PAPPA: variants seen among roughly 807,000 people sequenced by gnomAD.
PAPPA encodes pappalysin-1.
In PAPPA, 60 loss-of-function variants were observed where a neutral mutation model predicts 164.0. That is an observed-to-expected ratio of 0.37 (90% confidence interval 0.30 to 0.45). The LOEUF (loss-of-function observed/expected upper bound fraction) is 0.45, where lower values mean the gene tolerates loss of function less well. Ranked by LOEUF, PAPPA falls within the 20% of genes least tolerant of loss-of-function variation. The pLI, the probability that PAPPA is intolerant of heterozygous loss-of-function variation, is 1.00. For synonymous variants in PAPPA, 875 were observed against 814.1 expected (o/e 1.07, Z -1.27); for missense variants, 1,782 against 2,087.3 (o/e 0.85, Z 2.85).
intron 2 of PAPPA, among the ~76,000 whole-genome samples, 164 bp from the exon 3 acceptor site, chr9:116,207,292 A>G (rs1442643008): frequency 6.6e-6 from 1 of 152,196 alleles, no homozygotes; most frequent in Non-Finnish European, 1.5e-5. Flanking sequence ...GATCTGTAAA[A>G]TGGAATCATC....
intron 2 of PAPPA, among the ~76,000 whole-genome samples, chr9:116,203,891 G>T (rs921864501): frequency 6.6e-6 from 1 of 152,162 alleles, no homozygotes; most frequent in African/African-American, 2.4e-5. Flanking sequence ...TAAGGGTTGG[G>T]CATAACTGGG....
rs140393917 is a variant in PAPPA at position 116,247,389 on chromosome 9, T to C, written c.2732+11752T>C. Among the ~76,000 whole-genome samples the C allele has an allele frequency of 2.0e-5, 3 of 152,296 alleles. No homozygotes were observed. The East Asian group carries it at 5.8e-4, about 29-fold the overall frequency. ...ATGCTTTATGTAGTCTATTCTGACA[T>C]TGTTTGAAAAAGGTACCCTGTTTTC... On this transcript the variant is annotated intron_variant, in intron 7 of 21. Transcript: ENST00000328252.
intron 1 of PAPPA, among the ~76,000 whole-genome samples, chr9:116,163,250 A>C (rs1368525679): frequency 6.6e-6 from 1 of 152,184 alleles, no homozygotes; most frequent in Non-Finnish European, 1.5e-5. Flanking sequence ...GTTTGTAAAG[A>C]AAAAGTTGAG....
intron 6 of PAPPA, among the ~76,000 whole-genome samples, chr9:116,228,859 T>C (rs990587691): frequency 6.6e-6 from 1 of 152,072 alleles, no homozygotes; most frequent in Admixed American, 6.6e-5. Context: ...TTGTAATTTT[T>C]CCACCCAAAC....
At chr9:116,354,942 G>A (rs1358727404) in intron 17 of PAPPA, among the ~76,000 whole-genome samples, 1 of 151,512 alleles carries the variant, frequency 6.6e-6, no homozygotes, top group Non-Finnish European at 1.5e-5. Context: ...CCACACCTCT[G>A]CATTCTCTAC....
chr9:116,159,508 G>A (rs2118972784), intron 1 of PAPPA, among the ~76,000 whole-genome samples: 1 of 152,204 alleles, frequency 6.6e-6, no homozygotes, highest in South Asian at 2.1e-4. Flanking sequence ...GACATGCTAG[G>A]ATTACCCCTC....
At chr9:116,255,946 A>G (rs1356795827) in intron 7 of PAPPA, among the ~76,000 whole-genome samples, 1 of 151,692 alleles carries the variant, frequency 6.6e-6, no homozygotes, top group Non-Finnish European at 1.5e-5. Context: ...ACCTCAAAAG[A>G]CTTGATGTTT....
At chr9:116,267,906 A>G (rs1337965251) in intron 8 of PAPPA, among the ~76,000 whole-genome samples, 2 of 149,606 alleles carry the variant, frequency 1.3e-5, no homozygotes, top group African/African-American at 2.5e-5. Context: ...AAAAAAAAAA[A>G]AAAGAAATGG....
intron 2 of PAPPA, among the ~76,000 whole-genome samples, chr9:116,197,097 G>T (rs566469368): frequency 1.5e-4 from 23 of 152,292 alleles, no homozygotes; most frequent in Admixed American, 1.2e-3. Flanking sequence ...GAACTTAGTG[G>T]CCAGCATGAA....
intron 10 of PAPPA, among the ~76,000 whole-genome samples, chr9:116,319,903 A>G (rs1201188799): frequency 6.6e-6 from 1 of 152,186 alleles, no homozygotes. Flanking sequence ...TGGCAAAGAA[A>G]ACATGTTAGC....
At chr9:116,304,966 G>A (rs79092473) in intron 10 of PAPPA, among the ~76,000 whole-genome samples, 3,538 of 152,102 alleles carry the variant, frequency 0.023, 81 homozygotes, top group African/African-American at 0.064. Flanking sequence ...GAATATGTGT[G>A]CAGGCTGGGT....
rs56204027 is a variant in PAPPA, at chr9:116,365,551, G to GTTTTT, written c.4496-2083_4496-2079dup. Among the ~76,000 whole-genome samples, 18 of 101,502 alleles carry GTTTTT rather than the reference G, an allele frequency of 1.8e-4. 4 individuals carry two copies. Among genetic ancestry groups the GTTTTT allele is most frequent in the Middle Eastern group, 0.012 (2 of 172 alleles). 66.6% of individuals were successfully genotyped at this position (101,502 alleles called of 152,430 possible). A position where few individuals can be genotyped will look rare whatever the true frequency, so the allele number is the denominator to read the frequency against. ...GCAAGTGTCTCCTGTTTTGACAACC[G>GTTTTT]TTTTTTTTTTTTTTTCCTCTCTTGG... On this transcript the variant is annotated intron_variant, in intron 18 of 21. Transcript: ENST00000328252.
At chr9:116,392,873 A>G (rs1400401844) in intron 21 of PAPPA, among the ~76,000 whole-genome samples, 1 of 152,220 alleles carries the variant, frequency 6.6e-6, no homozygotes, top group Non-Finnish European at 1.5e-5. Context: ...GCTGAAAGTC[A>G]TACAGTTTCT....
intron 21 of PAPPA, 21 bp downstream of exon 21, chr9:116,382,514 C>T (rs371455964): frequency 8.1e-5 from 117 of 1,438,108 alleles, no homozygotes; most frequent in African/African-American, 5.6e-4. Context: ...GTGCACTCCT[C>T]GGCAGCTGCC....
chr9:116,162,276 A>T (rs1274885246), intron 1 of PAPPA, among the ~76,000 whole-genome samples: 1 of 152,162 alleles, frequency 6.6e-6, no homozygotes, highest in African/African-American at 2.4e-5. Flanking sequence ...TGAGAATTTC[A>T]TGGGATCTGT....
chr9:116,303,196 T>G (rs897477021), intron 10 of PAPPA, among the ~76,000 whole-genome samples: 1 of 152,174 alleles, frequency 6.6e-6, no homozygotes, highest in Admixed American at 6.5e-5. Flanking sequence ...ATAACTAATA[T>G]TTGGAGAAAG....
At chr9:116,223,000 T>C (rs552955877) in intron 5 of PAPPA, among the ~76,000 whole-genome samples, 3 of 152,188 alleles carry the variant, frequency 2.0e-5, no homozygotes, top group Non-Finnish European at 4.4e-5. Flanking sequence ...ATGTTAAAAA[T>C]TTTTGAAACC....
At chr9:116,365,455 G>A (rs960753642) in intron 18 of PAPPA, among the ~76,000 whole-genome samples, 2 of 152,050 alleles carry the variant, frequency 1.3e-5, no homozygotes, top group Admixed American at 1.3e-4. Context: ...CAGAGCTGGG[G>A]TAGGGGAGGA....
At chr9:116,393,674 C>G (rs1846923514) in intron 21 of PAPPA, among the ~76,000 whole-genome samples, 1 of 152,094 alleles carries the variant, frequency 6.6e-6, no homozygotes, top group South Asian at 2.1e-4. Context: ...AACCTAATAT[C>G]TTTGGTCAGA....
Sources: allele counts gnomAD v4.1 joint callset (sites outside exome capture counted in the v4.1 genomes callset), GRCh38; gene constraint gnomAD v4.1.1; transcripts MANE v1.5; gene names NCBI Gene and HGNC (gene_info 2026-07-23, HGNC 2026-07-21).